The following MYOF variants were observed in gnomAD, a reference collection of about 807,000 sequenced individuals.
MYOF encodes the protein fer-1-like 3, myoferlin.
A neutral mutation model predicts 284.2 loss-of-function variants in MYOF; 244 were observed. That is an observed-to-expected ratio of 0.86 (90% CI 0.77 to 0.95). The LOEUF (loss-of-function observed/expected upper bound fraction) is 0.95. Among genes scored for constraint, MYOF ranks in the 40% least tolerant of loss-of-function variants. The probability of loss-of-function intolerance (pLI) is 0.00; values close to 1 mark genes in which losing one functional copy is unlikely to be tolerated. For missense variants in MYOF, 2,496 were observed against 2,560.6 expected (o/e 0.97, Z 0.54); for synonymous variants, 904 against 919.7 (o/e 0.98, Z 0.31).
intron 4 of MYOF, 35 bp from the exon 5 acceptor site, chr10:93,426,193 T>C (rs1168749360): frequency 6.5e-7 from 1 of 1,545,962 alleles, no homozygotes; most frequent in South Asian, 1.2e-5. Context: ...ATATTATCAG[T>C]GCAGGGCACC....
chr10:93,424,135 T>A (rs191650288), intron 5 of MYOF, among the ~76,000 whole-genome samples: 126 of 152,344 alleles, frequency 8.3e-4, no homozygotes, highest in Non-Finnish European at 1.5e-3. Flanking sequence ...ATATTTCTGT[T>A]GCTTAAGCCA....
At chr10:93,338,925 C>CAA (rs200398994) in intron 39 of MYOF, among the ~76,000 whole-genome samples, 3 of 129,956 alleles carry the variant, frequency 2.3e-5, no homozygotes, top group African/African-American at 5.7e-5. Context: ...ATAATAACGC[C>CAA]AAAAAAAAAA....
At chr10:93,368,856 C>G (rs757870662) in intron 25 of MYOF, among the ~76,000 whole-genome samples, 2 of 152,058 alleles carry the variant, frequency 1.3e-5, no homozygotes, top group Admixed American at 6.6e-5. Flanking sequence ...AGCATGAAGG[C>G]CTATCTGTAG....
rs66859494 is a variant in MYOF at position 93,378,693 on chromosome 10, G to GTA, written c.2001+1168_2001+1169dup. ...TATGTGTGTGTGTATGTGTGTGTGT[G>GTA]TATATATATATATATATATATATGT... On this transcript the variant is annotated intron_variant, in intron 21 of 53. Coordinates refer to ENST00000359263, the MANE Select transcript of MYOF (RefSeq NM_013451.4). 8.1e-3 allele frequency among the ~76,000 whole-genome samples: 710 copies of GTA among 87,896 alleles called. 13 individuals are homozygous for GTA. Among genetic ancestry groups the GTA allele is most frequent in the African/African-American group, 0.017 (345 of 20,804 alleles). 57.7% of individuals were successfully genotyped at this position (87,896 alleles called of 152,430 possible).
intron 1 of MYOF, among the ~76,000 whole-genome samples, chr10:93,477,713 G>A (rs977045653): frequency 2.0e-5 from 3 of 152,012 alleles, no homozygotes; most frequent in Non-Finnish European, 4.4e-5. Context: ...CGGGCGTGAT[G>A]GCGGGCGCCT....
At chr10:93,355,124 C>T (rs1844735844) in intron 31 of MYOF, among the ~76,000 whole-genome samples, 1 of 152,152 alleles carries the variant, frequency 6.6e-6, no homozygotes, top group Admixed American at 6.5e-5. Flanking sequence ...AGTGATCTGA[C>T]CACCCTTCAC....
chr10:93,310,502 TG>T lies in MYOF; in HGVS notation c.5999+31del, dbSNP rs1347441285. 4 of 1,603,038 alleles carry T rather than the reference TG, an allele frequency of 2.5e-6. No individual in the cohort carries two copies. In the African/African-American group the frequency reaches 4.0e-5, roughly 16 times the overall value. On this transcript the variant is annotated intron_variant, in intron 52 of 53. Transcript: ENST00000359263. ...GGGGGGCTCTCAGCCTGCAGGTGTT[TG>T]GGGAGTGGGAGAACAAAGAAGGCCT...
At chr10:93,387,758 C>A in intron 19 of MYOF, 39 bp downstream of exon 19, 1 of 1,572,644 alleles carries the variant, frequency 6.4e-7, no homozygotes, top group Non-Finnish European at 8.8e-7. Flanking sequence ...TGGAGGTCTC[C>A]TTTTCTATAC....
At chr10:93,424,928 C>CCTTTT (rs1433325912) in intron 5 of MYOF, among the ~76,000 whole-genome samples, 1 of 92,728 alleles carries the variant, frequency 1.1e-5, no homozygotes, top group African/African-American at 3.5e-5. Context: ...GGGAGAATTC[C>CCTTTT]ATTTTTTTTT....
intron 24 of MYOF, among the ~76,000 whole-genome samples, chr10:93,371,436 CAAG>C (rs766387793): frequency 2.4e-4 from 37 of 152,086 alleles, no homozygotes; most frequent in Non-Finnish European, 4.6e-4. Flanking sequence ...CTTAAATGCA[CAAG>C]AAGATGAGAG....
At chr10:93,328,186 T>C (rs1487932529) in intron 45 of MYOF, among the ~76,000 whole-genome samples, 1 of 152,154 alleles carries the variant, frequency 6.6e-6, no homozygotes, top group Non-Finnish European at 1.5e-5. Context: ...CACCGCCCCC[T>C]CTGGGTAACC....
chr10:93,343,953 T>C, intron 37 of MYOF, 21 bp from the exon 38 acceptor site: 3 of 1,613,626 alleles, frequency 1.9e-6, no homozygotes, highest in Non-Finnish European at 2.5e-6. Flanking sequence ...AATACTTTCT[T>C]AATCTAAGAT....
At chr10:93,465,541 T>TTTTTTG in intron 1 of MYOF, among the ~76,000 whole-genome samples, 1 of 135,008 alleles carries the variant, frequency 7.4e-6, no homozygotes, top group Admixed American at 7.4e-5. Flanking sequence ...TTCTTTTCTT[T>TTTTTTG]TTTTTTTTTT....
chr10:93,307,291 AT>A (rs1160449203), intron 53 of MYOF, among the ~76,000 whole-genome samples: 1 of 151,384 alleles, frequency 6.6e-6, no homozygotes, highest in Non-Finnish European at 1.5e-5. Flanking sequence ...CCACTGGTTT[AT>A]TTTTATTTTT....
At chr10:93,331,594 C>T (rs1442232653) in intron 43 of MYOF, among the ~76,000 whole-genome samples, 3 of 151,388 alleles carry the variant, frequency 2.0e-5, no homozygotes, top group African/African-American at 4.9e-5. Flanking sequence ...GTCTAGACCT[C>T]GGGGCTGGAT....
chr10:93,364,003 G>C lies in MYOF; in HGVS notation c.2826C>G (p.Pro942=). The change falls in exon 27 of 54, where the codon CCC becomes CCG. Residue 942 remains proline, a synonymous_variant. Coordinates refer to ENST00000359263, the MANE Select transcript of MYOF (RefSeq NM_013451.4). ...DEVYQNESRY[P]GGDWKPAEDT... ...CCTCGGCCGGCTTCCAGTCGCCCCC[G>C]GGGTAGCGGCTCTCGTTCTGATAGA... The C allele has an allele frequency of 1.9e-6, 3 of 1,614,148 alleles. No homozygotes were observed. The South Asian group carries it at 3.3e-5, about 18-fold the overall frequency.
chr10:93,308,837 T>C lies in MYOF; in HGVS notation c.6147+1183A>G, dbSNP rs77480723. On this transcript the variant is annotated intron_variant, in intron 53 of 53. Transcript: ENST00000359263. ...AGCAATTATCCTATCTTAGCATCCC[T>C]AGTAGCTGGGATTACAGGCATGTGC... Among the ~76,000 whole-genome samples the C allele has an allele frequency of 6.9e-3, 1,049 of 152,066 alleles. 14 individuals carry two copies. The highest frequency in any genetic ancestry group is 0.024 in the African/African-American group (982 of 41,524).
At chr10:93,327,132 A>G (rs1291024098) in intron 45 of MYOF, among the ~76,000 whole-genome samples, 2 of 152,168 alleles carry the variant, frequency 1.3e-5, no homozygotes, top group Admixed American at 6.5e-5. Flanking sequence ...TCTGGGGGAC[A>G]CCATCCACAT....
In MYOF at chr10:93,447,509, A is replaced by C. The variant is rs1039109309; in HGVS notation, c.236+4541T>G. ...GGTTATTTTTTGTAACTGCTTTTGTAACCAATTAATTTTTTAACTTTTTGC... is the reference window on the plus strand; with the variant it reads ...GGTTATTTTTTGTAACTGCTTTTGTCACCAATTAATTTTTTAACTTTTTGC... On this transcript the variant is annotated intron_variant, in intron 3 of 53. Transcript: ENST00000359263. Among the ~76,000 whole-genome samples, 3 of 152,114 alleles carry C rather than the reference A, an allele frequency of 2.0e-5. No individual in the cohort carries two copies. In the South Asian group the frequency reaches 6.2e-4, roughly 32 times the overall value.
Sources: gnomAD v4.1 joint callset for allele counts (sites outside exome capture counted in the v4.1 genomes callset) on GRCh38, gnomAD v4.1.1 for gene constraint, MANE v1.5 for transcripts, NCBI Gene and HGNC (gene_info 2026-07-23, HGNC 2026-07-21) for gene names.